Variants in CDH6 observed in about 807,000 individuals in gnomAD.
The protein encoded by CDH6 is cadherin 6.
CDH6 carries 31 observed loss-of-function variants against 78.0 expected under a neutral mutation model. That is an observed-to-expected ratio of 0.40 (90% CI 0.30 to 0.54). CDH6 has a LOEUF of 0.54. CDH6 is among the 20% of genes least tolerant of loss of function. The probability of loss-of-function intolerance (pLI) is 0.56; values close to 1 mark genes in which losing one functional copy is unlikely to be tolerated. For missense variants in CDH6, 724 were observed against 975.9 expected (o/e 0.74, Z 3.44); for synonymous variants, 376 against 368.8 (o/e 1.02, Z -0.23).
intron 1 of CDH6, among the ~76,000 whole-genome samples, chr5:31,207,673 G>A (rs893850619): frequency 2.6e-5 from 4 of 152,318 alleles, no homozygotes; most frequent in African/African-American, 9.6e-5. Context: ...GAACACATTA[G>A]ATGTTTGTTG....
intron 11 of CDH6, chr5:31,318,484 A>C (rs1738390943): frequency 2.5e-5 from 6 of 237,496 alleles, no homozygotes; most frequent in Non-Finnish European, 5.0e-5. Flanking sequence ...CATAAGGTCT[A>C]TTCCTCACAC....
intron 2 of CDH6, among the ~76,000 whole-genome samples, chr5:31,285,171 C>T (rs969760442): frequency 2.0e-5 from 3 of 152,204 alleles, no homozygotes; most frequent in Non-Finnish European, 4.4e-5. Flanking sequence ...CTGCAACTTA[C>T]GGGAAGGAGT....
At chr5:31,220,482 C>T (rs1245065562) in intron 1 of CDH6, among the ~76,000 whole-genome samples, 1 of 152,102 alleles carries the variant, frequency 6.6e-6, no homozygotes, top group Non-Finnish European at 1.5e-5. Flanking sequence ...CTCATCTGTT[C>T]ATTCATTTCA....
At position 31,325,070 on chromosome 5, in the gene CDH6, C is replaced by G. The variant is rs1579920668; in HGVS notation, c.*1762C>G. On this transcript the variant is annotated 3_prime_UTR_variant, in exon 12 of 12. Coordinates refer to ENST00000265071, the MANE Select transcript of CDH6 (RefSeq NM_004932.4). ...AGCACATATTTTCTGTTTGGAAACA[C>G]ACTGTTGTTTAGTTAAGTTTTAAAT... 1 of 219,596 alleles carries G rather than the reference C, an allele frequency of 4.6e-6. No homozygotes were observed. The highest frequency in any genetic ancestry group is 2.2e-5 in the African/African-American group (1 of 44,614). 13.6% of individuals were successfully genotyped at this position (219,596 alleles called of 1,614,324 possible).
intron 2 of CDH6, among the ~76,000 whole-genome samples, chr5:31,270,887 T>C (rs1742512380): frequency 6.6e-6 from 1 of 152,054 alleles, no homozygotes; most frequent in South Asian, 2.1e-4. Flanking sequence ...AAATATTTCC[T>C]GGTCAGCTCC....
chr5:31,200,881 T>C (rs999362535), intron 1 of CDH6, among the ~76,000 whole-genome samples: 1 of 152,202 alleles, frequency 6.6e-6, no homozygotes, highest in African/African-American at 2.4e-5. Flanking sequence ...GTTTGATCAT[T>C]AGAAATATAA....
At chr5:31,256,499 GC>G (rs1246104565) in intron 1 of CDH6, among the ~76,000 whole-genome samples, 1 of 152,198 alleles carries the variant, frequency 6.6e-6, no homozygotes, top group African/African-American at 2.4e-5. Flanking sequence ...TCCATGGAGA[GC>G]TTGCCTAATT....
intron 1 of CDH6, among the ~76,000 whole-genome samples, chr5:31,208,716 A>G (rs965813698): frequency 2.6e-5 from 4 of 152,214 alleles, no homozygotes; most frequent in African/African-American, 9.7e-5. Flanking sequence ...AATCTACAAA[A>G]AAAACTATGG....
At chr5:31,222,532 A>G (rs1159482088) in intron 1 of CDH6, among the ~76,000 whole-genome samples, 1 of 152,144 alleles carries the variant, frequency 6.6e-6, no homozygotes, top group Non-Finnish European at 1.5e-5. Flanking sequence ...TTTTCTGCTG[A>G]TGATTCAGAT....
At chr5:31,309,098 G>A (rs1738077300) in intron 7 of CDH6, among the ~76,000 whole-genome samples, 1 of 151,920 alleles carries the variant, frequency 6.6e-6, no homozygotes, top group African/African-American at 2.4e-5. Context: ...GACATAAATG[G>A]CAAAACAATA....
intron 11 of CDH6, among the ~76,000 whole-genome samples, chr5:31,321,423 C>T (rs1738475769): frequency 6.6e-6 from 1 of 152,106 alleles, no homozygotes; most frequent in Non-Finnish European, 1.5e-5. Flanking sequence ...TTTAGTCTGA[C>T]CAACCTGAAT....
At chr5:31,216,683 CAA>C (rs70953498) in intron 1 of CDH6, among the ~76,000 whole-genome samples, 3 of 132,598 alleles carry the variant, frequency 2.3e-5, no homozygotes, top group Non-Finnish European at 1.6e-5. Flanking sequence ...GCCCTGCCAC[CAA>C]AAAAAAAAAA....
chr5:31,199,441 TATACACACACATATGTGTATATATAC>T (rs1461408920), intron 1 of CDH6, among the ~76,000 whole-genome samples: 13 of 4,012 alleles, frequency 3.2e-3, no homozygotes, highest in South Asian at 0.038. Flanking sequence ...TATGTGTATA[TATACACACACATATGTGTATATATAC>T]ACACACATAT....
intron 1 of CDH6, among the ~76,000 whole-genome samples, chr5:31,224,635 C>T (rs1009285206): frequency 2.0e-5 from 3 of 152,056 alleles, no homozygotes; most frequent in African/African-American, 7.2e-5. Context: ...TCACTGCAGC[C>T]GTGACCTCCC....
chr5:31,243,618 G>T (rs1741662421), intron 1 of CDH6, among the ~76,000 whole-genome samples: 1 of 152,086 alleles, frequency 6.6e-6, no homozygotes, highest in Non-Finnish European at 1.5e-5. Flanking sequence ...GCCCAAGCTT[G>T]CCTGCTTGAC....
intron 1 of CDH6, among the ~76,000 whole-genome samples, chr5:31,239,738 A>AT (rs1741547121): frequency 6.6e-6 from 1 of 152,208 alleles, no homozygotes; most frequent in African/African-American, 2.4e-5. Context: ...AGGCAAAGGC[A>AT]TAGCATTCAT....
chr5:31,318,002 G>T (rs925350407), intron 11 of CDH6, 78 bp downstream of exon 11: 2 of 1,535,272 alleles, frequency 1.3e-6, no homozygotes, highest in Admixed American at 1.7e-5. Flanking sequence ...AGATTTATCT[G>T]CCTCCCCCAT....
intron 1 of CDH6, among the ~76,000 whole-genome samples, chr5:31,204,578 C>T (rs570900985): frequency 6.6e-6 from 1 of 152,212 alleles, no homozygotes; most frequent in African/African-American, 2.4e-5. Context: ...GGCTTTGCAC[C>T]TTTGAGGTTC....
chr5:31,194,246 C>G (rs1740099723), intron 1 of CDH6, among the ~76,000 whole-genome samples: 1 of 152,214 alleles, frequency 6.6e-6, no homozygotes, highest in African/African-American at 2.4e-5. Context: ...CAGGGGAGCT[C>G]TGGCATTTGC....
Sources: allele counts gnomAD v4.1 joint callset (sites outside exome capture counted in the v4.1 genomes callset), GRCh38; gene constraint gnomAD v4.1.1; transcripts MANE v1.5; gene names NCBI Gene and HGNC (gene_info 2026-07-23, HGNC 2026-07-21).